Variants in PPP1R1C observed in about 807,000 individuals in gnomAD.
PPP1R1C encodes protein phosphatase 1 regulatory inhibitor subunit 1C, also known as protein phosphatase 1 regulatory subunit 1C.
A neutral mutation model predicts 17.4 loss-of-function variants in PPP1R1C; 15 were observed. That is an observed-to-expected ratio of 0.86 (90% CI 0.58 to 1.33). The LOEUF (loss-of-function observed/expected upper bound fraction) is 1.33, where lower values mean the gene tolerates loss of function less well. Ranked by LOEUF, PPP1R1C falls within the 40% of genes most tolerant of loss-of-function variation. The pLI, the probability that PPP1R1C is intolerant of heterozygous loss-of-function variation, is 0.00. For synonymous variants in PPP1R1C, 35 were observed against 43.1 expected, an observed-to-expected ratio of 0.81 and a Z score of 0.73; for missense variants, 143 against 130.0, an observed-to-expected ratio of 1.10 and a Z score of -0.48.
intron 4 of PPP1R1C, among the ~76,000 whole-genome samples, chr2:182,067,047 G>A (rs914928310): frequency 1.1e-4 from 17 of 151,764 alleles, no homozygotes; most frequent in African/African-American, 3.9e-4. Context: ...AAGTGCTATT[G>A]ATTTAAACGG....
At chr2:182,020,505 T>G (rs963048832) in intron 2 of PPP1R1C, among the ~76,000 whole-genome samples, 1 of 152,188 alleles carries the variant, frequency 6.6e-6, no homozygotes, top group Non-Finnish European at 1.5e-5. Flanking sequence ...AGTCGTTCCC[T>G]AGAGGCCCCT....
intron 2 of PPP1R1C, among the ~76,000 whole-genome samples, chr2:182,008,355 T>TA (rs372701399): frequency 0.011 from 1,674 of 150,764 alleles, 24 homozygotes; most frequent in Non-Finnish European, 0.012. Flanking sequence ...TGGCTTACAA[T>TA]AAAAAAAAAC....
chr2:182,027,118 C>T (rs71427825), intron 2 of PPP1R1C, among the ~76,000 whole-genome samples: 1 of 144,886 alleles, frequency 6.9e-6, no homozygotes, highest in African/African-American at 2.6e-5. Flanking sequence ...GGGCTGTGAC[C>T]ATGGGGTTTT....
At chr2:182,103,623 C>G (rs1457541104) in intron 4 of PPP1R1C, 1 of 152,176 alleles carries the variant, frequency 6.6e-6, no homozygotes, top group Admixed American at 6.5e-5. Context: ...TGCCTGTGAA[C>G]AAGAATGCTT....
downstream of PPP1R1C, among the ~76,000 whole-genome samples, chr2:182,120,343 C>T (rs1192214826): frequency 6.6e-6 from 1 of 152,024 alleles, no homozygotes; most frequent in Admixed American, 6.6e-5. Flanking sequence ...ACAAAAAACC[C>T]TTCAAAAAAT....
chr2:181,972,039 C>T (rs1411030502), intron 1 of PPP1R1C, among the ~76,000 whole-genome samples: 3 of 152,198 alleles, frequency 2.0e-5, no homozygotes, highest in Non-Finnish European at 4.4e-5. Context: ...ATTGTGATTG[C>T]TCACATGATT....
At chr2:182,115,392 T>G (rs1689554106) in intron 4 of PPP1R1C, among the ~76,000 whole-genome samples, 1 of 152,194 alleles carries the variant, frequency 6.6e-6, no homozygotes, top group South Asian at 2.1e-4. Context: ...ATTGAGAGAC[T>G]ATGATGTGTC....
At chr2:182,116,928 T>C (rs1198137812) in intron 4 of PPP1R1C, among the ~76,000 whole-genome samples, 1 of 152,108 alleles carries the variant, frequency 6.6e-6, no homozygotes, top group Non-Finnish European at 1.5e-5. Flanking sequence ...GTGAGCAGAT[T>C]TTTAGTTAAC....
chr2:182,071,527 G>A (rs1399426704), intron 4 of PPP1R1C, among the ~76,000 whole-genome samples: 7 of 152,280 alleles, frequency 4.6e-5, no homozygotes, highest in Non-Finnish European at 7.4e-5. Context: ...TCACTGTAAA[G>A]TTATCCTTTT....
intron 2 of PPP1R1C, among the ~76,000 whole-genome samples, chr2:182,046,906 T>G (rs1574408125): frequency 6.6e-6 from 1 of 152,266 alleles, no homozygotes; most frequent in African/African-American, 2.4e-5. Context: ...GGCTGACTAA[T>G]GCAAGTTACA....
chr2:182,118,137 C>T (rs1286224409), downstream of PPP1R1C, among the ~76,000 whole-genome samples: 1 of 151,994 alleles, frequency 6.6e-6, no homozygotes, highest in Non-Finnish European at 1.5e-5. Flanking sequence ...TCCATTAATT[C>T]ATTCATATAG....
intron 4 of PPP1R1C, among the ~76,000 whole-genome samples, chr2:182,073,802 G>A (rs1023368111): frequency 5.9e-5 from 9 of 152,150 alleles, no homozygotes; most frequent in Non-Finnish European, 7.3e-5. Context: ...GAATGGGCAC[G>A]TGAACTTTGA....
At chr2:182,087,957 T>A (rs1688676503) in intron 4 of PPP1R1C, among the ~76,000 whole-genome samples, 1 of 152,226 alleles carries the variant, frequency 6.6e-6, no homozygotes, top group Admixed American at 6.5e-5. Context: ...ATTCTAGTGC[T>A]GCAAATGATG....
At chr2:181,979,770 A>G (rs1574349174) in intron 2 of PPP1R1C, among the ~76,000 whole-genome samples, 1 of 152,222 alleles carries the variant, frequency 6.6e-6, no homozygotes, top group Non-Finnish European at 1.5e-5. Context: ...CTATGTAAAA[A>G]TCACTTCTTT....
intron 2 of PPP1R1C, among the ~76,000 whole-genome samples, chr2:182,018,852 T>C (rs1686335150): frequency 6.6e-6 from 1 of 152,108 alleles, no homozygotes; most frequent in African/African-American, 2.4e-5. Flanking sequence ...ACTGATGACT[T>C]GAATCATTGA....
intron 4 of PPP1R1C, among the ~76,000 whole-genome samples, chr2:182,075,630 G>A (rs1160790609): frequency 6.6e-6 from 1 of 152,160 alleles, no homozygotes; most frequent in African/African-American, 2.4e-5. Context: ...CAATGATTCA[G>A]TCACTAAGAA....
At chr2:182,035,202 G>A (rs989367459) in intron 2 of PPP1R1C, among the ~76,000 whole-genome samples, 1 of 152,146 alleles carries the variant, frequency 6.6e-6, no homozygotes, top group Admixed American at 6.5e-5. Context: ...ATTGAATAGA[G>A]TGCCGAATTC....
intron 4 of PPP1R1C, among the ~76,000 whole-genome samples, chr2:182,105,459 G>A (rs955490258): frequency 6.7e-6 from 1 of 149,168 alleles, no homozygotes; most frequent in Admixed American, 6.7e-5. Context: ...CACAATTGTA[G>A]GTTTGTCAGA....
intron 4 of PPP1R1C, among the ~76,000 whole-genome samples, chr2:182,093,296 A>AT (rs1400534289): frequency 6.6e-6 from 1 of 152,160 alleles, no homozygotes; most frequent in Middle Eastern, 3.2e-3. Flanking sequence ...CCAGGGCACC[A>AT]AGTCCCTAGG....
Sources: allele counts gnomAD v4.1 joint callset (sites outside exome capture counted in the v4.1 genomes callset), GRCh38; gene constraint gnomAD v4.1.1; transcripts MANE v1.5; gene names NCBI Gene and HGNC (gene_info 2026-07-23, HGNC 2026-07-21).